PTPRT: variants seen among roughly 807,000 people sequenced by gnomAD.
The protein encoded by PTPRT is receptor-type tyrosine-protein phosphatase T.
PTPRT carries 56 observed loss-of-function variants against 176.8 expected under a neutral mutation model. That is an observed-to-expected ratio of 0.32 (90% confidence interval 0.26 to 0.40). The LOEUF (loss-of-function observed/expected upper bound fraction) is 0.40. Among genes scored for constraint, PTPRT ranks in the 10% least tolerant of loss-of-function variants. PTPRT has a pLI of 1.00. For synonymous variants in PTPRT, 783 were observed against 739.0 expected, an observed-to-expected ratio of 1.06 and a Z score of -0.96; for missense variants, 1,540 against 1,908.2, an observed-to-expected ratio of 0.81 and a Z score of 3.60.
chr20:42,885,663 C>T, intron 2 of PTPRT, 144 bp downstream of exon 2: 1 of 1,021,914 alleles, frequency 9.8e-7, no homozygotes, highest in Non-Finnish European at 1.4e-6. Context: ...GGTTTGACCA[C>T]CTCTGAGTGT....
chr20:42,937,794 G>A lies in PTPRT; in HGVS notation c.89-51862C>T, dbSNP rs1980288853. On this transcript the variant is annotated intron_variant, in intron 1 of 30. Transcript: ENST00000373187. ...TCCATAATCACTGAAGATTAACTGC[G>A]AAGTATCATTTAGCTATCACTTCTA... Among the ~76,000 whole-genome samples, 7 of 152,304 alleles carry A rather than the reference G, an allele frequency of 4.6e-5. No homozygotes were observed. The South Asian group carries it at 1.2e-3, about 27-fold the overall frequency.
At chr20:42,406,519 C>A (rs1261812904) in intron 9 of PTPRT, among the ~76,000 whole-genome samples, 1 of 151,934 alleles carries the variant, frequency 6.6e-6, no homozygotes, top group Non-Finnish European at 1.5e-5. Context: ...TTTATAAAAA[C>A]CACCTCAGGT....
intron 6 of PTPRT, among the ~76,000 whole-genome samples, chr20:42,693,803 C>A (rs2075826998): frequency 6.6e-6 from 1 of 152,006 alleles, no homozygotes; most frequent in African/African-American, 2.4e-5. Flanking sequence ...AAACTATAAT[C>A]CATAAGGAAA....
rs116097484 is a variant in PTPRT, at chr20:42,427,271, T to C, written c.1560+20949A>G. 7.2e-4 allele frequency among the ~76,000 whole-genome samples: 109 copies of C among 152,280 alleles called. 1 individual carries two copies. Among genetic ancestry groups the C allele is most frequent in the African/African-American group, 2.5e-3 (105 of 41,576 alleles). On this transcript the variant is annotated intron_variant, in intron 9 of 30. Transcript: ENST00000373187. ...AAGAAGTACCATGGGAGTTAAAGAA[T>C]ACACAAAAAGGGAAGGTCTTTCATC...
chr20:42,522,866 C>A (rs2072202016), intron 7 of PTPRT, among the ~76,000 whole-genome samples: 1 of 152,152 alleles, frequency 6.6e-6, no homozygotes. Flanking sequence ...AGAATATAGT[C>A]CAAAATTTCA....
chr20:42,529,847 GA>G (rs140817588), intron 7 of PTPRT, among the ~76,000 whole-genome samples: 25,353 of 108,352 alleles, frequency 0.23, 2,163 homozygotes, highest in Admixed American at 0.26. Context: ...CTTGTTAGAG[GA>G]AAAAAAAAAA....
At chr20:42,813,132 T>C (rs989555068) in intron 2 of PTPRT, among the ~76,000 whole-genome samples, 2 of 152,196 alleles carry the variant, frequency 1.3e-5, no homozygotes, top group African/African-American at 2.4e-5. Context: ...TCATTATTTA[T>C]GGGCTCTTTA....
At chr20:42,675,196 T>C (rs1330983307) in intron 7 of PTPRT, among the ~76,000 whole-genome samples, 1 of 152,214 alleles carries the variant, frequency 6.6e-6, no homozygotes, top group East Asian at 1.9e-4. Context: ...ACTTCCCTGA[T>C]GCCCACTTCC....
At chr20:43,104,177 C>T (rs565636638) in intron 1 of PTPRT, among the ~76,000 whole-genome samples, 5 of 152,246 alleles carry the variant, frequency 3.3e-5, no homozygotes, top group Admixed American at 3.3e-4. Context: ...AAAATGTCAA[C>T]ATTTGGAGTC....
At chr20:42,362,647 T>C (rs1296251776) in intron 9 of PTPRT, among the ~76,000 whole-genome samples, 1 of 152,130 alleles carries the variant, frequency 6.6e-6, no homozygotes, top group East Asian at 1.9e-4. Context: ...TAGATTATAG[T>C]GTTCATTATA....
intron 2 of PTPRT, among the ~76,000 whole-genome samples, chr20:42,866,330 G>A (rs2078746191): frequency 1.3e-5 from 2 of 152,242 alleles, no homozygotes; most frequent in African/African-American, 4.8e-5. Context: ...GAACCCACGT[G>A]GCTTGGCTAG....
At chr20:42,325,789 C>T (rs2057873227) in intron 11 of PTPRT, among the ~76,000 whole-genome samples, 1 of 152,294 alleles carries the variant, frequency 6.6e-6, no homozygotes, top group African/African-American at 2.4e-5. Flanking sequence ...GAGTAAAATG[C>T]AACATCTTTA....
chr20:42,936,596 T>C (rs866689923), intron 1 of PTPRT, among the ~76,000 whole-genome samples: 12 of 152,160 alleles, frequency 7.9e-5, no homozygotes, highest in African/African-American at 2.4e-5. Flanking sequence ...GGAAGACCAA[T>C]GTCAGTGGGG....
chr20:42,035,423 G>C, the PTPRT span, among the ~76,000 whole-genome samples: 2 of 152,128 alleles, frequency 1.3e-5, no homozygotes, highest in South Asian at 2.1e-4. Context: ...CAGAACTCCT[G>C]GTCAGTCTTA....
At chr20:42,357,852 T>C (rs2058379201) in intron 9 of PTPRT, among the ~76,000 whole-genome samples, 1 of 152,142 alleles carries the variant, frequency 6.6e-6, no homozygotes. Context: ...AGGTCGAGGC[T>C]GCAGTGAGCC....
intron 9 of PTPRT, among the ~76,000 whole-genome samples, chr20:42,364,010 T>C (rs915620310): frequency 2.0e-5 from 3 of 152,124 alleles, no homozygotes; most frequent in Admixed American, 6.5e-5. Context: ...GAGAGAGCTT[T>C]TGAGTGCATC....
intron 1 of PTPRT, among the ~76,000 whole-genome samples, chr20:42,912,909 T>C (rs2145936283): frequency 6.6e-6 from 1 of 152,312 alleles, no homozygotes; most frequent in South Asian, 2.1e-4. Flanking sequence ...GTAATTATTA[T>C]GGATCTGAAC....
rs570991737 is a variant in PTPRT, at chr20:42,416,434, G to A, written c.1560+31786C>T. Among the ~76,000 whole-genome samples, 57 of 152,246 alleles carry A rather than the reference G, an allele frequency of 3.7e-4. 1 individual carries two copies. The South Asian group carries it at 7.5e-3, about 20-fold the overall frequency. On this transcript the variant is annotated intron_variant, in intron 9 of 30. Transcript: ENST00000373187. ...GGGTTTGTGATAATGTGTTACAGCC[G>A]CCACAGGAAAAAACTGTACTTCCCA...
intron 7 of PTPRT, among the ~76,000 whole-genome samples, chr20:42,511,508 A>C (rs1368558336): frequency 6.6e-6 from 1 of 150,702 alleles, no homozygotes; most frequent in Non-Finnish European, 1.5e-5. Context: ...TCGTTTGTGG[A>C]CTTTTTTTTT....
Sources: gnomAD v4.1 joint callset for allele counts (sites outside exome capture counted in the v4.1 genomes callset) on GRCh38, gnomAD v4.1.1 for gene constraint, MANE v1.5 for transcripts, NCBI Gene and HGNC (gene_info 2026-07-23, HGNC 2026-07-21) for gene names.